The following NUP93 variants were observed in gnomAD, a reference collection of about 807,000 sequenced individuals.
NUP93 encodes nuclear pore complex protein Nup93.
Under a neutral mutation model 107.8 loss-of-function variants are expected in NUP93, and 55 were observed. The observed-to-expected ratio is 0.51, with a 90% CI of 0.41 to 0.64. The LOEUF is 0.64. NUP93 is among the 30% of genes least tolerant of loss of function. The probability of loss-of-function intolerance (pLI) is 0.00; values close to 1 mark genes in which losing one functional copy is unlikely to be tolerated. For missense variants in NUP93, 937 were observed against 1,044.7 expected (o/e 0.90, Z 1.42); for synonymous variants, 390 against 397.5 (o/e 0.98, Z 0.22).
In NUP93 at chr16:56,821,585, G is replaced by A. The variant is rs777022774; in HGVS notation, c.646G>A (p.Asp216Asn). Reference sequence around the variant, plus strand: ...CCTTTGTGCTTCCGTCGCAGAGCTCGATGATAAGGTAGCACCTAGAGCTAA... The same window carrying A: ...CCTTTGTGCTTCCGTCGCAGAGCTCAATGATAAGGTAGCACCTAGAGCTAA... ...VDLCASVAEL[D>N]DKSISDMWTM... Residue 216 changes from aspartate (D) to asparagine (N), a missense_variant, in exon 7 of 22, where the codon GAT (aspartate) becomes AAT (asparagine). By Grantham distance (23) the Asp-to-Asn change is conservative. Transcript: ENST00000308159. 1.2e-6 allele frequency: 2 copies of A among 1,609,836 alleles called. No homozygotes were observed. The highest frequency in any genetic ancestry group is 1.7e-5 in the Admixed American group (1 of 59,986).
intron 3 of NUP93, among the ~76,000 whole-genome samples, chr16:56,770,367 C>G (rs1962297179): frequency 6.6e-6 from 1 of 152,198 alleles, no homozygotes. Flanking sequence ...TCACCATCTT[C>G]TTTCACAGCC....
Position 56,829,072 on chromosome 16 carries a change from T to C in NUP93, c.890T>C (p.Leu297Pro). The C allele has an allele frequency of 6.2e-7, 1 of 1,613,394 alleles. No homozygotes were observed. Among genetic ancestry groups the C allele is most frequent in the Non-Finnish European group, 8.5e-7 (1 of 1,179,788 alleles). ...PGTYQLVRSFLNIKLPAPLPG... is the reference protein window; with the variant it reads ...PGTYQLVRSFPNIKLPAPLPG... ...ACTTACCAATTGGTTCGAAGTTTCCTGAACATTAAACTGCCAGCTCCCTTG... is the reference window on the plus strand; with the variant it reads ...ACTTACCAATTGGTTCGAAGTTTCCCGAACATTAAACTGCCAGCTCCCTTG... Residue 297 changes from leucine (L) to proline (P), a missense_variant, in exon 9 of 22, where the codon CTG (leucine) becomes CCG (proline). Transcript: ENST00000308159.
At chr16:56,796,155 C>A (rs1382445967) in intron 3 of NUP93, among the ~76,000 whole-genome samples, 1 of 152,140 alleles carries the variant, frequency 6.6e-6, no homozygotes, top group Non-Finnish European at 1.5e-5. Flanking sequence ...CCTCCCCCAC[C>A]TTCTTAAAAA....
At position 56,798,578 on chromosome 16, in the gene NUP93, G is replaced by A. The variant is rs1429971423; in HGVS notation, c.360+40G>A. On this transcript the variant is annotated intron_variant, in intron 4 of 21. Coordinates refer to ENST00000308159, the MANE Select transcript of NUP93 (RefSeq NM_014669.5). ...CAAAATGTAGATGTATACAGATGAG[G>A]GCAAGAGGGCTGGGCGTGGTGGCTC... 2.0e-6 allele frequency: 3 copies of A among 1,529,732 alleles called. No homozygotes were observed. In the South Asian group the frequency reaches 3.4e-5, roughly 17 times the overall value. The allele number at this position is 1,529,732 out of a possible 1,614,324, so 94.8% of individuals were successfully genotyped here.
Position 56,768,211 on chromosome 16 carries a change from C to G in NUP93, c.297+9556C>G, listed in dbSNP as rs534844772. On this transcript the variant is annotated intron_variant, in intron 3 of 21. Coordinates refer to ENST00000308159, the MANE Select transcript of NUP93 (RefSeq NM_014669.5). ...AAATAGTTGTGTTTTTTTCTCCTTC[C>G]TTCTTCCTTCCCTGTTTCTCACCGT... 4.6e-5 allele frequency among the ~76,000 whole-genome samples: 7 copies of G among 152,292 alleles called. No homozygotes were observed. In the South Asian group the frequency reaches 1.5e-3, roughly 32 times the overall value.
intron 3 of NUP93, among the ~76,000 whole-genome samples, chr16:56,768,374 AC>A (rs1962252985): frequency 1.3e-5 from 2 of 151,560 alleles, no homozygotes; most frequent in South Asian, 4.2e-4. Context: ...GACCAGCCTG[AC>A]CAACATGGAG....
chr16:56,751,530 A>G (rs1451743960), intron 2 of NUP93, among the ~76,000 whole-genome samples: 1 of 152,202 alleles, frequency 6.6e-6, no homozygotes, highest in Non-Finnish European at 1.5e-5. Flanking sequence ...GGAATTCCTC[A>G]TATTTGTATG....
At chr16:56,810,453 AC>A in intron 5 of NUP93, among the ~76,000 whole-genome samples, 1 of 152,056 alleles carries the variant, frequency 6.6e-6, no homozygotes, top group East Asian at 1.9e-4. Flanking sequence ...ACATAGTAGG[AC>A]CCCGTCTCTA....
chr16:56,792,330 G>GA (rs371519482), intron 3 of NUP93, among the ~76,000 whole-genome samples: 63 of 152,024 alleles, frequency 4.1e-4, no homozygotes, highest in African/African-American at 1.5e-3. Flanking sequence ...GTAATGTATG[G>GA]GGGGGAGGAA....
intron 11 of NUP93, 43 bp from the exon 12 acceptor site, chr16:56,832,252 G>A (rs369118180): frequency 4.7e-6 from 7 of 1,505,222 alleles, no homozygotes; most frequent in Non-Finnish European, 6.5e-6. Context: ...TGTGGCTCAG[G>A]GTGTCATTTG....
At chr16:56,803,040 C>A (rs1343152436) in intron 4 of NUP93, among the ~76,000 whole-genome samples, 12 of 150,538 alleles carry the variant, frequency 8.0e-5, no homozygotes, top group Admixed American at 7.3e-4. Context: ...CCTGCAACTA[C>A]CAGTAGACAG....
At chr16:56,736,568 A>T (rs1234611280) in intron 1 of NUP93, among the ~76,000 whole-genome samples, 4 of 152,176 alleles carry the variant, frequency 2.6e-5, no homozygotes, top group Non-Finnish European at 4.4e-5. Context: ...TAACACAGAG[A>T]TGCAAAGGAA....
At position 56,838,934 on chromosome 16, in the gene NUP93, C is replaced by A; in HGVS notation, c.2019-18C>A. The A allele has an allele frequency of 1.3e-6, 2 of 1,552,352 alleles. No individual in the cohort carries two copies. The highest frequency in any genetic ancestry group is 1.8e-6 in the Non-Finnish European group (2 of 1,125,644). On this transcript the variant is annotated intron_variant, in intron 18 of 21. Coordinates refer to ENST00000308159, the MANE Select transcript of NUP93 (RefSeq NM_014669.5). ...CCTGATACACTCTTACTACCCCCAC[C>A]CCGTTTTTGTCTTTCAGGTATAGGG...
intron 7 of NUP93, among the ~76,000 whole-genome samples, chr16:56,822,457 G>A (rs1963564995): frequency 6.6e-6 from 1 of 150,444 alleles, no homozygotes; most frequent in South Asian, 2.1e-4. Flanking sequence ...AGGCTGCAGT[G>A]AGCCATGATC....
At chr16:56,817,137 C>G (rs2144601145) in intron 5 of NUP93, among the ~76,000 whole-genome samples, 1 of 152,280 alleles carries the variant, frequency 6.6e-6, no homozygotes, top group Non-Finnish European at 1.5e-5. Flanking sequence ...CCAGTGATAG[C>G]TGGAGATCAG....
intron 3 of NUP93, among the ~76,000 whole-genome samples, chr16:56,765,034 G>A (rs1203686150): frequency 3.3e-5 from 5 of 152,190 alleles, no homozygotes; most frequent in African/African-American, 9.7e-5. Context: ...TTTGTGTAAC[G>A]ATTCTGAGAA....
chr16:56,807,899 G>A (rs751008824), intron 5 of NUP93, among the ~76,000 whole-genome samples: 1 of 151,330 alleles, frequency 6.6e-6, no homozygotes, highest in Non-Finnish European at 1.5e-5. Context: ...GCGTGTGCCT[G>A]TAATCCCAGC....
intron 16 of NUP93, among the ~76,000 whole-genome samples, chr16:56,836,143 A>AG (rs1963905649): frequency 6.6e-6 from 1 of 150,478 alleles, no homozygotes; most frequent in South Asian, 2.1e-4. Flanking sequence ...AAAAAAAAAA[A>AG]GAAATGTCCT....
At chr16:56,833,116 A>G in intron 12 of NUP93, 99 bp from the exon 13 acceptor site, 1 of 981,272 alleles carries the variant, frequency 1.0e-6, no homozygotes, top group Middle Eastern at 3.2e-4. Context: ...CTGTCCAGCA[A>G]GTCCTGTGGG....
Sources: allele counts gnomAD v4.1 joint callset (sites outside exome capture counted in the v4.1 genomes callset), GRCh38; gene constraint gnomAD v4.1.1; transcripts MANE v1.5; gene names NCBI Gene and HGNC (gene_info 2026-07-23, HGNC 2026-07-21).